The following HS1BP3 variants were observed in gnomAD, a reference collection of about 807,000 sequenced individuals.
The protein encoded by HS1BP3 is HCLS1 binding protein 3, also known as HCLS1-binding protein 3.
A neutral mutation model predicts 33.5 loss-of-function variants in HS1BP3; 32 were observed. That is an observed-to-expected ratio of 0.95 (90% CI 0.72 to 1.28). HS1BP3 has a LOEUF of 1.28. Among genes scored for constraint, HS1BP3 ranks in the 50% most tolerant of loss-of-function variants. The pLI is 0.00. For missense variants in HS1BP3, 486 were observed against 502.3 expected (o/e 0.97, Z 0.31); for synonymous variants, 187 against 209.2 (o/e 0.89, Z 0.92).
At chr2:20,578,006 G>A (rs1185526024) in intron 5 of HS1BP3, among the ~76,000 whole-genome samples, 1 of 152,250 alleles carries the variant, frequency 6.6e-6, no homozygotes, top group East Asian at 1.9e-4. Context: ...AGGGGCCATG[G>A]ATCTGCAAAG....
chr2:20,589,952 T>C (rs946083577), downstream of HS1BP3, among the ~76,000 whole-genome samples: 10 of 152,138 alleles, frequency 6.6e-5, no homozygotes, highest in Non-Finnish European at 1.3e-4. Flanking sequence ...CCTGGACCAA[T>C]GGGTCCCAGC....
intron 5 of HS1BP3, among the ~76,000 whole-genome samples, chr2:20,574,147 G>A (rs1001185350): frequency 2.6e-5 from 4 of 152,154 alleles, no homozygotes; most frequent in African/African-American, 7.2e-5. Flanking sequence ...CCTGACTTCT[G>A]AGTGCATCAC....
chr2:20,607,618 C>A (rs1453625768), intron 2 of HS1BP3, among the ~76,000 whole-genome samples: 3 of 152,334 alleles, frequency 2.0e-5, no homozygotes, highest in Non-Finnish European at 4.4e-5. Context: ...ATATGTCTAT[C>A]CTGTGCCAGT....
rs1448624325 is a variant in HS1BP3 at position 20,618,141 on chromosome 2, T to A, written c.*846A>T. 1 of 152,210 alleles carries A rather than the reference T, an allele frequency of 6.6e-6. No individual in the cohort carries two copies. Among genetic ancestry groups the A allele is most frequent in the Admixed American group, 6.5e-5 (1 of 15,286 alleles). 9.4% of individuals were successfully genotyped at this position (152,210 alleles called of 1,614,324 possible). On this transcript the variant is annotated 3_prime_UTR_variant, in exon 7 of 7. Coordinates refer to ENST00000304031, the MANE Select transcript of HS1BP3 (RefSeq NM_022460.4). The stretch of plus-strand genomic sequence containing the variant: ...TGGGGAAAGCTATGACCCAGTTTGC[T>A]GAGAGCTGCAATGACGAACATTGGC...
intron 5 of HS1BP3, among the ~76,000 whole-genome samples, chr2:20,571,932 G>A (rs1232858963): frequency 3.9e-5 from 6 of 152,248 alleles, no homozygotes; most frequent in Non-Finnish European, 8.8e-5. Flanking sequence ...GCCAGGAATG[G>A]AGATTCCCCC....
intron 5 of HS1BP3, among the ~76,000 whole-genome samples, chr2:20,574,707 C>T (rs781374810): frequency 1.3e-5 from 2 of 152,210 alleles, no homozygotes; most frequent in Non-Finnish European, 2.9e-5. Flanking sequence ...CCCAGCAGCA[C>T]CCGGGCAGGC....
downstream of HS1BP3, among the ~76,000 whole-genome samples, chr2:20,616,495 G>C (rs781397662): frequency 4.6e-5 from 7 of 152,356 alleles, no homozygotes; most frequent in South Asian, 4.1e-4. Flanking sequence ...CCCAGGGCCA[G>C]TCCAAGCCTA....
intron 2 of HS1BP3, among the ~76,000 whole-genome samples, chr2:20,644,512 C>T (rs1375832520): frequency 6.6e-6 from 1 of 152,254 alleles, no homozygotes; most frequent in African/African-American, 2.4e-5. Context: ...ACTTCACACT[C>T]CACATGCCCC....
At chr2:20,592,987 G>A (rs749780369) in intron 3 of HS1BP3, among the ~76,000 whole-genome samples, 12 of 152,144 alleles carry the variant, frequency 7.9e-5, no homozygotes, top group Admixed American at 3.9e-4. Context: ...AAAATCCCAA[G>A]TCATTACTCT....
At chr2:20,576,095 T>C (rs1323758620) in intron 5 of HS1BP3, among the ~76,000 whole-genome samples, 1 of 152,180 alleles carries the variant, frequency 6.6e-6, no homozygotes. Context: ...CCTCCTGTTT[T>C]AGCCTCCCAA....
At chr2:20,633,064 C>T (rs1464520451) in intron 4 of HS1BP3, among the ~76,000 whole-genome samples, 1 of 152,238 alleles carries the variant, frequency 6.6e-6, no homozygotes, top group African/African-American at 2.4e-5. Context: ...CACTGGGCCT[C>T]TACTTTACCC....
Position 20,618,309 on chromosome 2 carries a change from G to C in HS1BP3, c.*678C>G, listed in dbSNP as rs1694480984. 1 of 152,336 alleles carries C rather than the reference G, an allele frequency of 6.6e-6. No homozygotes were observed. Among genetic ancestry groups the C allele is most frequent in the Admixed American group, 6.5e-5 (1 of 15,290 alleles). 9.4% of individuals were successfully genotyped at this position (152,336 alleles called of 1,614,324 possible). On this transcript the variant is annotated 3_prime_UTR_variant, in exon 7 of 7. Transcript: ENST00000304031. ...CTTCTCCCTTTAGAGCTTGCATCAA[G>C]AGGAGGCTCAGGAGAGAGAGACTTG...
chr2:20,578,607 C>T (rs1693457546), intron 5 of HS1BP3, among the ~76,000 whole-genome samples: 1 of 152,148 alleles, frequency 6.6e-6, no homozygotes. Context: ...GAATAGATGC[C>T]CAGCCAAGAA....
intron 5 of HS1BP3, among the ~76,000 whole-genome samples, chr2:20,571,902 C>T (rs1693282988): frequency 6.6e-6 from 1 of 152,228 alleles, no homozygotes. Flanking sequence ...TGCTCTTCTC[C>T]AGCAGGCCGG....
downstream of HS1BP3, among the ~76,000 whole-genome samples, chr2:20,559,741 TGGA>T (rs1572281856): frequency 6.6e-6 from 1 of 150,684 alleles, no homozygotes; most frequent in East Asian, 1.9e-4. Context: ...GATGGATGGA[TGGA>T]TGGATGATGG....
chr2:20,644,713 T>A (rs1695463027), intron 2 of HS1BP3, among the ~76,000 whole-genome samples: 1 of 152,204 alleles, frequency 6.6e-6, no homozygotes, highest in Admixed American at 6.5e-5. Context: ...ACACCTGTTT[T>A]GTTCCTTCCA....
chr2:20,598,456 G>A (rs1365967436), intron 2 of HS1BP3, among the ~76,000 whole-genome samples: 2 of 151,418 alleles, frequency 1.3e-5, no homozygotes, highest in Non-Finnish European at 2.9e-5. Flanking sequence ...GGGAGTGGCT[G>A]TAAATACAGA....
At chr2:20,645,935 AG>A (rs1463264972) in intron 1 of HS1BP3, among the ~76,000 whole-genome samples, 2 of 152,154 alleles carry the variant, frequency 1.3e-5, no homozygotes, top group Non-Finnish European at 2.9e-5. Context: ...AATGGGCAGG[AG>A]GGCTGCTACA....
Position 20,638,279 on chromosome 2 carries a change from T to C in HS1BP3, c.623+157A>G. 4.5e-6 allele frequency: 3 copies of C among 666,976 alleles called. No homozygotes were observed. The South Asian group carries it at 5.8e-5, about 13-fold the overall frequency. 41.3% of individuals were successfully genotyped at this position (666,976 alleles called of 1,614,324 possible). ...CACCAAGGGCACGCAGAGAGCTACT[T>C]CCCCCAACACACCAGGCCAAGGCCT... On this transcript the variant is annotated intron_variant, in intron 4 of 6. Coordinates refer to ENST00000304031, the MANE Select transcript of HS1BP3 (RefSeq NM_022460.4).
Sources: allele counts gnomAD v4.1 joint callset (sites outside exome capture counted in the v4.1 genomes callset), GRCh38; gene constraint gnomAD v4.1.1; transcripts MANE v1.5; gene names NCBI Gene and HGNC (gene_info 2026-07-23, HGNC 2026-07-21).